The following ARHGAP26 variants were observed in gnomAD, a reference collection of about 807,000 sequenced individuals.
The protein encoded by ARHGAP26 is rho GTPase-activating protein 26.
Under a neutral mutation model 104.8 loss-of-function variants are expected in ARHGAP26, and 38 were observed. The observed-to-expected ratio is 0.36, with a 90% CI of 0.28 to 0.48. ARHGAP26 has a LOEUF of 0.48. Among genes scored for constraint, ARHGAP26 ranks in the 20% least tolerant of loss-of-function variants. The pLI, the probability that ARHGAP26 is intolerant of heterozygous loss-of-function variation, is 0.99. For missense variants in ARHGAP26, 704 were observed against 947.9 expected (o/e 0.74, Z 3.38); for synonymous variants, 341 against 340.0 (o/e 1.00, Z -0.03).
At chr5:142,848,560 T>C (rs1374232568) in intron 1 of ARHGAP26, among the ~76,000 whole-genome samples, 4 of 152,252 alleles carry the variant, frequency 2.6e-5, no homozygotes, top group African/African-American at 4.8e-5. Flanking sequence ...GTCTAACATA[T>C]GTGTTAGAGT....
At chr5:143,093,502 CTCTCTT>C (rs1241818081) in intron 17 of ARHGAP26, among the ~76,000 whole-genome samples, 1 of 152,078 alleles carries the variant, frequency 6.6e-6, no homozygotes, top group African/African-American at 2.4e-5. Context: ...TTCTATCTCT[CTCTCTT>C]TCTTTCTCTC....
At chr5:143,210,933 G>C (rs1199813013) in intron 21 of ARHGAP26, among the ~76,000 whole-genome samples, 1 of 152,232 alleles carries the variant, frequency 6.6e-6, no homozygotes, top group African/African-American at 2.4e-5. Context: ...CAGGCCCTCT[G>C]TATCCAGTTT....
intron 14 of ARHGAP26, among the ~76,000 whole-genome samples, chr5:143,052,596 C>A (rs1785203268): frequency 6.6e-6 from 1 of 152,176 alleles, no homozygotes; most frequent in African/African-American, 2.4e-5. Context: ...CCTTTGAGAG[C>A]CACATGTTTC....
chr5:143,207,558 G>A (rs1562612018), intron 21 of ARHGAP26: 1 of 1,517,678 alleles, frequency 6.6e-7, no homozygotes, highest in Non-Finnish European at 9.0e-7. Flanking sequence ...CTCTCCTGTG[G>A]TTCCATCCTA....
intron 17 of ARHGAP26, among the ~76,000 whole-genome samples, chr5:143,112,690 T>C (rs1434556797): frequency 2.6e-5 from 4 of 152,220 alleles, no homozygotes; most frequent in African/African-American, 9.6e-5. Context: ...AAGTACCTCA[T>C]ATCAGTAGAA....
At chr5:142,784,913 C>T (rs1040194310) in intron 1 of ARHGAP26, among the ~76,000 whole-genome samples, 1 of 150,030 alleles carries the variant, frequency 6.7e-6, no homozygotes, top group African/African-American at 2.5e-5. Flanking sequence ...TAGGCAACCA[C>T]TTCCTTAGGA....
At chr5:143,200,990 G>A (rs1303228863) in intron 20 of ARHGAP26, among the ~76,000 whole-genome samples, 4 of 152,238 alleles carry the variant, frequency 2.6e-5, no homozygotes, top group African/African-American at 9.6e-5. Flanking sequence ...GCTACACACT[G>A]TACTTGAACT....
At chr5:143,162,142 G>T (rs1801310379) in intron 20 of ARHGAP26, among the ~76,000 whole-genome samples, 1 of 152,016 alleles carries the variant, frequency 6.6e-6, no homozygotes, top group Non-Finnish European at 1.5e-5. Flanking sequence ...CTTCTGCTCT[G>T]TCTCGGGGGA....
chr5:142,805,395 C>T (rs1405630033), intron 1 of ARHGAP26, among the ~76,000 whole-genome samples: 1 of 152,178 alleles, frequency 6.6e-6, no homozygotes, highest in African/African-American at 2.4e-5. Flanking sequence ...ACCCACCACG[C>T]CTGGCCCACA....
At chr5:143,155,203 G>C (rs1198320412) in intron 20 of ARHGAP26, among the ~76,000 whole-genome samples, 1 of 152,154 alleles carries the variant, frequency 6.6e-6, no homozygotes, top group Admixed American at 6.5e-5. Flanking sequence ...AGTGCCCTTG[G>C]GGATTCCAGC....
At chr5:143,008,529 C>G (rs560347711) in intron 11 of ARHGAP26, among the ~76,000 whole-genome samples, 1 of 152,316 alleles carries the variant, frequency 6.6e-6, no homozygotes. Context: ...TGGGAGGAGA[C>G]TTGGAGAAAA....
At chr5:142,858,098 A>T (rs867133604) in intron 1 of ARHGAP26, among the ~76,000 whole-genome samples, 1,305 of 115,848 alleles carry the variant, frequency 0.011, 22 homozygotes, top group African/African-American at 0.046. Context: ...TGTGTGTGAG[A>T]GAGAGAGAGA....
chr5:143,036,266 G>T (rs892045335), intron 12 of ARHGAP26, among the ~76,000 whole-genome samples: 4 of 152,194 alleles, frequency 2.6e-5, no homozygotes, highest in Non-Finnish European at 5.9e-5. Context: ...GGTCAAAGAT[G>T]AACCCATTCT....
At chr5:143,215,565 CAG>C (rs1810213301) in intron 22 of ARHGAP26, among the ~76,000 whole-genome samples, 1 of 152,014 alleles carries the variant, frequency 6.6e-6, no homozygotes, top group Admixed American at 6.6e-5. Flanking sequence ...TATATAATTC[CAG>C]AATATTTTCA....
At chr5:143,093,444 T>C (rs924805047) in intron 17 of ARHGAP26, among the ~76,000 whole-genome samples, 3 of 152,160 alleles carry the variant, frequency 2.0e-5, no homozygotes, top group Non-Finnish European at 4.4e-5. Context: ...GGTTTTAAAT[T>C]TACCCTGGAT....
intron 1 of ARHGAP26, among the ~76,000 whole-genome samples, chr5:142,800,894 C>T (rs1004016255): frequency 6.6e-6 from 1 of 152,090 alleles, no homozygotes; most frequent in African/African-American, 2.4e-5. Context: ...CAAAATGATG[C>T]CAGGTTCATT....
chr5:143,069,726 C>G (rs1176203558), intron 17 of ARHGAP26, among the ~76,000 whole-genome samples: 2 of 152,184 alleles, frequency 1.3e-5, no homozygotes, highest in East Asian at 3.8e-4. Flanking sequence ...TAGAGAATTC[C>G]TGTTTTATAT....
chr5:142,888,258 T>C (rs1758000961), intron 5 of ARHGAP26, among the ~76,000 whole-genome samples: 1 of 152,218 alleles, frequency 6.6e-6, no homozygotes, highest in South Asian at 2.1e-4. Context: ...TGCAGCCCTT[T>C]CCCTTCACCC....
At chr5:143,071,051 C>A (rs1240736362) in intron 17 of ARHGAP26, among the ~76,000 whole-genome samples, 2 of 152,166 alleles carry the variant, frequency 1.3e-5, no homozygotes, top group African/African-American at 4.8e-5. Flanking sequence ...TATCACACTA[C>A]CCAACCTCAA....
Sources: allele counts gnomAD v4.1 joint callset (sites outside exome capture counted in the v4.1 genomes callset), GRCh38; gene constraint gnomAD v4.1.1; transcripts MANE v1.5; gene names NCBI Gene and HGNC (gene_info 2026-07-23, HGNC 2026-07-21).